Variants in NRROS observed in about 807,000 individuals in gnomAD.
NRROS encodes the protein negative regulator of reactive oxygen species, also known as transforming growth factor beta activator LRRC33.
NRROS carries 6 observed loss-of-function variants against 12.0 expected under a neutral mutation model. The ratio of observed to expected loss-of-function variants is 0.50; its 90% confidence interval spans 0.27 to 0.98. NRROS has a LOEUF of 0.98. Ranked by LOEUF, NRROS falls within the 50% of genes least tolerant of loss-of-function variation. The pLI is 0.11. For synonymous variants in NRROS, 462 were observed against 410.2 expected (o/e 1.13, Z -1.53); for missense variants, 857 against 888.2 (o/e 0.96, Z 0.45).
Position 196,656,188 on chromosome 3 carries a change from A to G in NRROS, c.108+1541A>G, listed in dbSNP as rs754080579. On this transcript the variant is annotated intron_variant, in intron 2 of 2. Coordinates refer to ENST00000328557, the MANE Select transcript of NRROS (RefSeq NM_198565.3). ...TCTCAAAAAAGAAAAAAAAAATGAA[A>G]CACATATTTAATAAACATTTCTTGA... Among the ~76,000 whole-genome samples the G allele has an allele frequency of 1.3e-5, 2 of 152,172 alleles. 1 individual carries two copies. The highest frequency in any genetic ancestry group is 4.8e-5 in the African/African-American group (2 of 41,440).
chr3:196,657,699 C>T (rs1172615784), intron 2 of NRROS, among the ~76,000 whole-genome samples: 1 of 135,602 alleles, frequency 7.4e-6, no homozygotes, highest in Non-Finnish European at 1.6e-5. Context: ...AAGAGTGAGA[C>T]TCTGTCTCAA....
intron 1 of NRROS, among the ~76,000 whole-genome samples, chr3:196,646,519 A>G (rs1237431419): frequency 1.3e-5 from 2 of 152,226 alleles, no homozygotes; most frequent in Non-Finnish European, 2.9e-5. Context: ...GCCTGTGGGC[A>G]TGGAACAGGA....
intron 1 of NRROS, among the ~76,000 whole-genome samples, chr3:196,644,972 G>A (rs535014496): frequency 6.6e-6 from 1 of 151,960 alleles, no homozygotes; most frequent in South Asian, 2.1e-4. Flanking sequence ...AAAAAAAGGA[G>A]AAAGAAAGAT....
intron 1 of NRROS, among the ~76,000 whole-genome samples, chr3:196,644,872 G>C (rs1188766231): frequency 6.6e-6 from 1 of 151,812 alleles, no homozygotes; most frequent in Non-Finnish European, 1.5e-5. Context: ...AGGACTACTT[G>C]AGGCTGGGAG....
At chr3:196,649,274 C>T (rs1018417609) in intron 1 of NRROS, among the ~76,000 whole-genome samples, 1 of 152,078 alleles carries the variant, frequency 6.6e-6, no homozygotes, top group African/African-American at 2.4e-5. Flanking sequence ...GACCAGCTGC[C>T]CTTCCCATTC....
At position 196,660,438 on chromosome 3, in the gene NRROS, C is replaced by T. The variant is rs149789251; in HGVS notation, c.795C>T (p.Phe265=). ...LDLSHNQLLF[F]PLLPQYSKLR... is the part of the protein sequence containing the mutation. ...TGTCTCACAACCAGCTGCTGTTCTT[C>T]CCGCTGCTGCCCCAGTACAGCAAGT... Residue 265 remains phenylalanine (F), a synonymous_variant, in exon 3 of 3, where the codon TTC becomes TTT. Transcript: ENST00000328557. This position sits in a 1 kb window ranked among gnomAD's most constrained non-coding sequence, Gnocchi z 7.7. 739 of 1,613,808 alleles carry T rather than the reference C, an allele frequency of 4.6e-4. 2 individuals are homozygous for T. The highest frequency in any genetic ancestry group is 5.9e-4 in the Non-Finnish European group (702 of 1,179,930).
intron 1 of NRROS, among the ~76,000 whole-genome samples, chr3:196,647,107 T>G (rs1196258628): frequency 3.3e-5 from 5 of 152,246 alleles, no homozygotes; most frequent in African/African-American, 4.8e-5. Context: ...TTATTGGACT[T>G]TTGATGGTTT....
intron 1 of NRROS, among the ~76,000 whole-genome samples, chr3:196,646,276 C>A (rs1292142890): frequency 2.0e-5 from 3 of 152,234 alleles, no homozygotes. Context: ...AGGGCGGTGG[C>A]AGGTAGCCAC....
At chr3:196,640,093 G>A (rs939874) in intron 1 of NRROS, among the ~76,000 whole-genome samples, 54,371 of 152,120 alleles carry the variant, frequency 0.36, 10,152 homozygotes, top group Non-Finnish European at 0.39. Flanking sequence ...CTCCCTCCAG[G>A]AGCACTTAGA....
intron 1 of NRROS, among the ~76,000 whole-genome samples, chr3:196,647,756 A>T (rs1737339735): frequency 6.6e-6 from 1 of 152,084 alleles, no homozygotes; most frequent in Non-Finnish European, 1.5e-5. Flanking sequence ...ACGGGGTTTC[A>T]CCATGTTGGT....
At chr3:196,656,173 GA>G (rs1015762337) in intron 2 of NRROS, among the ~76,000 whole-genome samples, 9 of 146,066 alleles carry the variant, frequency 6.2e-5, no homozygotes, top group East Asian at 2.0e-4. Flanking sequence ...TCTCAAAAAA[GA>G]AAAAAAAAAT....
rs2108644836 is a variant in NRROS, at chr3:196,661,782, A to G, written c.*60A>G. 4.9e-6 allele frequency: 7 copies of G among 1,422,696 alleles called. No individual in the cohort carries two copies. Among genetic ancestry groups the G allele is most frequent in the Admixed American group, 2.1e-5 (1 of 46,898 alleles). The allele number at this position is 1,422,696 out of a possible 1,614,324, so 88.1% of individuals were successfully genotyped here. A position where few individuals can be genotyped will look rare whatever the true frequency, so the allele number is the denominator to read the frequency against. On this transcript the variant is annotated 3_prime_UTR_variant, in exon 3 of 3. Transcript: ENST00000328557. Reference sequence around the variant, plus strand: ...CACACAACAGGACACTTTCTCTGCCAGCTTTCAAGATGTGATGCAGAGGCC... The same window carrying G: ...CACACAACAGGACACTTTCTCTGCCGGCTTTCAAGATGTGATGCAGAGGCC...
chr3:196,660,379 G>GGA lies in NRROS; in HGVS notation c.740_741dup (p.Ala248ArgfsTer64). ...CCTGGAGTGGTTCCTCGCGACCGGG[G>GGA]GAGAGGCTGCCTTCGAGCTGGAGAC... is the stretch of plus-strand genomic sequence containing the variant. On this transcript the variant is annotated frameshift_variant, in exon 3 of 3. Coordinates refer to ENST00000328557, the MANE Select transcript of NRROS (RefSeq NM_198565.3). LOFTEE classifies it low-confidence loss of function (END_TRUNC). This position sits in a 1 kb window ranked among gnomAD's most constrained non-coding sequence, Gnocchi z 7.7. 6.2e-7 allele frequency: 1 copy of GGA among 1,614,004 alleles called. No homozygotes were observed. Among genetic ancestry groups the GGA allele is most frequent in the East Asian group, 2.2e-5 (1 of 44,878 alleles).
chr3:196,642,673 G>A (rs1224465645), intron 1 of NRROS, among the ~76,000 whole-genome samples: 1 of 152,190 alleles, frequency 6.6e-6, no homozygotes, highest in African/African-American at 2.4e-5. Flanking sequence ...CAGGAGCTGG[G>A]ATCAGACCCG....
In NRROS at chr3:196,661,971, G is replaced by C; in HGVS notation, c.*249G>C. 2.8e-6 allele frequency: 1 copy of C among 360,724 alleles called. No individual in the cohort carries two copies. Among genetic ancestry groups the C allele is most frequent in the Non-Finnish European group, 4.8e-6 (1 of 210,010 alleles). The allele number at this position is 360,724 out of a possible 1,614,324, so 22.3% of individuals were successfully genotyped here. A position where few individuals can be genotyped will look rare whatever the true frequency, so the allele number is the denominator to read the frequency against. ...TTAAGTGACTTTTTCAGAAATAAAA[G>C]GCAACGTGTCTCATAAATATTTTTT... is the stretch of plus-strand genomic sequence containing the variant. On this transcript the variant is annotated 3_prime_UTR_variant, in exon 3 of 3. Transcript: ENST00000328557.
intron 1 of NRROS, among the ~76,000 whole-genome samples, chr3:196,647,406 A>G (rs756192855): frequency 2.0e-5 from 3 of 152,234 alleles, no homozygotes; most frequent in Non-Finnish European, 4.4e-5. Context: ...TAGAGAAGCA[A>G]ATCACAAGCT....
intron 1 of NRROS, among the ~76,000 whole-genome samples, chr3:196,641,970 C>T (rs201125571): frequency 1.3e-5 from 2 of 152,224 alleles, no homozygotes; most frequent in Admixed American, 6.5e-5. Context: ...GATGTGTCAT[C>T]GCACATCAGT....
chr3:196,660,320 C>G lies in NRROS; in HGVS notation c.677C>G (p.Thr226Arg). ...NLPCIVDFGL[T>R]RLRVLNVSYN... ...CCCTGCATCGTGGACTTCGGGCTCA[C>G]GCGGCTGCGGGTCCTCAACGTCAGC... The change falls in exon 3 of 3, where the codon ACG becomes AGG. Residue 226 changes from threonine (T) to arginine (R), a missense_variant. Thr to Arg is a moderately conservative substitution (Grantham distance 71). Coordinates refer to ENST00000328557, the MANE Select transcript of NRROS (RefSeq NM_198565.3). The surrounding 1 kb of genome is among the most constrained non-coding windows in gnomAD (Gnocchi z 7.7). 3.1e-6 allele frequency: 5 copies of G among 1,613,982 alleles called. No individual in the cohort carries two copies. The highest frequency in any genetic ancestry group is 4.2e-6 in the Non-Finnish European group (5 of 1,179,992).
At chr3:196,646,346 T>A (rs1385853860) in intron 1 of NRROS, among the ~76,000 whole-genome samples, 3 of 152,260 alleles carry the variant, frequency 2.0e-5, no homozygotes, top group African/African-American at 7.2e-5. Context: ...CAGATGCTAA[T>A]GCGTTATGCG....
Sources: allele counts gnomAD v4.1 joint callset (sites outside exome capture counted in the v4.1 genomes callset), GRCh38; gene constraint gnomAD v4.1.1; non-coding constraint Gnocchi (gnomAD v3.1); transcripts MANE v1.5; gene names NCBI Gene and HGNC (gene_info 2026-07-23, HGNC 2026-07-21).